Variants in PRPF8 observed in about 807,000 individuals in gnomAD.
The protein encoded by PRPF8 is pre-mRNA processing factor 8, also known as pre-mRNA-processing-splicing factor 8.
A neutral mutation model predicts 285.9 loss-of-function variants in PRPF8; 64 were observed. That is an observed-to-expected ratio of 0.22 (90% CI 0.18 to 0.28). The LOEUF is 0.28. PRPF8 is among the 10% of genes least tolerant of loss of function. PRPF8 has a pLI of 1.00. For synonymous variants in PRPF8, 1,325 were observed against 1,118.2 expected (o/e 1.18, Z -3.69); for missense variants, 1,426 against 3,026.7 (o/e 0.47, Z 12.41).
chr17:1,681,344 G>T, intron 6 of PRPF8, 134 bp downstream of exon 6: 1 of 1,115,208 alleles, frequency 9.0e-7, no homozygotes. Flanking sequence ...GCTTCCCAAA[G>T]TGCTGAGATT....
At position 1,655,787 on chromosome 17, in the gene PRPF8, C is replaced by T. The variant is rs554317634; in HGVS notation, c.5794-244G>A. On this transcript the variant is annotated intron_variant, in intron 36 of 42. Transcript: ENST00000304992. The stretch of plus-strand genomic sequence containing the variant: ...GATGACAGGCACCTGCCACCACGCC[C>T]GGCTAATTTTTTGTATTTTTAGTAG... Among the ~76,000 whole-genome samples, 143 of 151,894 alleles carry T rather than the reference C, an allele frequency of 9.4e-4. 1 individual carries two copies. The highest frequency in any genetic ancestry group is 1.8e-3 in the Non-Finnish European group (120 of 68,004).
intron 1 of PRPF8, 46 bp from the exon 2 acceptor site, chr17:1,684,628 C>T (rs1230115158): frequency 2.5e-6 from 4 of 1,579,368 alleles, no homozygotes; most frequent in African/African-American, 1.3e-5. Context: ...CAGGCCCGGG[C>T]CCACAAGAAG....
intron 8 of PRPF8, chr17:1,680,509 G>A (rs1824713238): frequency 8.1e-6 from 5 of 618,542 alleles, no homozygotes; most frequent in Admixed American, 8.0e-5. Context: ...CCCAAGAAAA[G>A]AACCGTAAAG....
At position 1,660,995 on chromosome 17, in the gene PRPF8, G is replaced by A; in HGVS notation, c.4506C>T (p.Phe1502=). 1 of 1,613,908 alleles carries A rather than the reference G, an allele frequency of 6.2e-7. No individual in the cohort carries two copies. Among genetic ancestry groups the A allele is most frequent in the Non-Finnish European group, 8.5e-7 (1 of 1,180,030 alleles). ...CTCTAAGAGAGGAGAATCCTCACCA[G>A]AAAAGCCCCTCCCAGGTAGGGAAGT... ...GTYFPTWEGL[F]WEKASGFEES... is the part of the protein sequence containing the mutation. The change falls in exon 28 of 43, where the codon TTC becomes TTT. Residue 1502 remains phenylalanine (F), a splice_region_variant and synonymous_variant. Coordinates refer to ENST00000304992, the MANE Select transcript of PRPF8 (RefSeq NM_006445.4).
intron 2 of PRPF8, 95 bp downstream of exon 2, chr17:1,684,377 A>T: frequency 1.6e-6 from 2 of 1,232,700 alleles, no homozygotes; most frequent in Non-Finnish European, 2.4e-6. Context: ...CTGACACCTC[A>T]GGAGCTGCCC....
At chr17:1,677,534 G>A (rs1191488471) in intron 14 of PRPF8, 31 bp downstream of exon 14, 3 of 1,613,618 alleles carry the variant, frequency 1.9e-6, no homozygotes, top group Non-Finnish European at 2.5e-6. Flanking sequence ...AGCAATAACA[G>A]GAGAAGTTGG....
Position 1,681,802 on chromosome 17 carries a change from T to C in PRPF8, c.653+18A>G. ...TCCAGAACTCCTCCCAGGTGTAGTATCTCCATCTATCACTCACTTCCTGCT... is the reference window on the plus strand; with the variant it reads ...TCCAGAACTCCTCCCAGGTGTAGTACCTCCATCTATCACTCACTTCCTGCT... On this transcript the variant is annotated intron_variant, in intron 5 of 42. Coordinates refer to ENST00000304992, the MANE Select transcript of PRPF8 (RefSeq NM_006445.4). 6.2e-7 allele frequency: 1 copy of C among 1,613,470 alleles called. No homozygotes were observed.
intron 24 of PRPF8, among the ~76,000 whole-genome samples, chr17:1,668,657 C>T (rs756228007): frequency 1.3e-5 from 2 of 151,850 alleles, no homozygotes; most frequent in South Asian, 2.1e-4. Context: ...CCACCGCGGC[C>T]GGCTGGGTCC....
In PRPF8 at chr17:1,659,245, C is replaced by CA. The variant is rs1911559760; in HGVS notation, c.5138+111dup. 2.3e-6 allele frequency: 3 copies of CA among 1,280,334 alleles called. No individual in the cohort carries two copies. The African/African-American group carries it at 4.4e-5, about 19-fold the overall frequency. The allele number at this position is 1,280,334 out of a possible 1,614,324, so 79.3% of individuals were successfully genotyped here. On this transcript the variant is annotated intron_variant, in intron 32 of 42. Coordinates refer to ENST00000304992, the MANE Select transcript of PRPF8 (RefSeq NM_006445.4). The surrounding 1 kb of genome is among the most constrained non-coding windows in gnomAD (Gnocchi z 5.1). ...TTCACCATGTTGCCCAGACTGGTCT[C>CA]AAACTCCTGAGCTCAGACAATCTGC...
chr17:1,665,068 G>A (rs1029712113), intron 24 of PRPF8, among the ~76,000 whole-genome samples: 5 of 149,192 alleles, frequency 3.4e-5, no homozygotes, highest in African/African-American at 5.1e-5. Flanking sequence ...GCTGAGGCAG[G>A]AGAATCGCTT....
intron 1 of PRPF8, 77 bp from the exon 2 acceptor site, chr17:1,684,659 G>T: frequency 1.4e-6 from 2 of 1,385,702 alleles, no homozygotes; most frequent in Admixed American, 3.9e-5. Flanking sequence ...AGGCGTCCGG[G>T]GACCCCGGCC....
At chr17:1,655,310 A>T (rs1165347723) in intron 37 of PRPF8, 40 bp downstream of exon 37, 2 of 1,609,982 alleles carry the variant, frequency 1.2e-6, no homozygotes, top group South Asian at 2.2e-5. Flanking sequence ...AGAAAACCGT[A>T]TATAGACCTC....
intron 24 of PRPF8, among the ~76,000 whole-genome samples, chr17:1,666,946 G>A (rs970772752): frequency 7.9e-5 from 12 of 152,212 alleles, no homozygotes; most frequent in African/African-American, 2.4e-4. Context: ...AGGCCGAGGC[G>A]GTTGGATCAT....
Position 1,673,279 on chromosome 17 carries a change from C to A in PRPF8, c.3657+78G>T. 6.2e-7 allele frequency: 1 copy of A among 1,602,974 alleles called. No homozygotes were observed. Among genetic ancestry groups the A allele is most frequent in the East Asian group, 2.2e-5 (1 of 44,820 alleles). On this transcript the variant is annotated intron_variant, in intron 23 of 42. Transcript: ENST00000304992. This position sits in a 1 kb window ranked among gnomAD's most constrained non-coding sequence, Gnocchi z 5.5. ...AACTGTGCCCACCACTCAAGTCTTT[C>A]CACCCAACAAGACTCCGGTGACTGA...
In PRPF8 at chr17:1,684,829, C is replaced by G; in HGVS notation, c.-61G>C. The G allele has an allele frequency of 1.7e-6, 1 of 597,134 alleles. No homozygotes were observed. The highest frequency in any genetic ancestry group is 3.0e-6 in the Non-Finnish European group (1 of 334,472). The allele number at this position is 597,134 out of a possible 1,614,324, so 37.0% of individuals were successfully genotyped here. On this transcript the variant is annotated 5_prime_UTR_variant, in exon 1 of 43. Transcript: ENST00000304992. Reference sequence around the variant, plus strand: ...CGCTTTCCCCGCAGCGCAATGGCGGCCAGACTGCGTCCGCTCCGCGTTCCC... The same window carrying G: ...CGCTTTCCCCGCAGCGCAATGGCGGGCAGACTGCGTCCGCTCCGCGTTCCC...
chr17:1,680,519 G>T (rs766334754), intron 8 of PRPF8: 16 of 637,930 alleles, frequency 2.5e-5, no homozygotes, highest in Non-Finnish European at 3.9e-5. Flanking sequence ...GAACCGTAAA[G>T]TCCAAAAGGA....
intron 13 of PRPF8, 147 bp from the exon 14 acceptor site, chr17:1,677,841 T>C: frequency 9.9e-7 from 1 of 1,006,790 alleles, no homozygotes; most frequent in Non-Finnish European, 1.5e-6. Flanking sequence ...AAAAAAAAAC[T>C]CTGGGACCTC....
intron 24 of PRPF8, among the ~76,000 whole-genome samples, chr17:1,672,452 G>C (rs565888137): frequency 2.0e-5 from 3 of 152,130 alleles, no homozygotes; most frequent in Non-Finnish European, 2.9e-5. Flanking sequence ...GTTAATTTTT[G>C]TATTTTTAGC....
intron 24 of PRPF8, among the ~76,000 whole-genome samples, chr17:1,670,854 A>C (rs757717359): frequency 7.9e-5 from 12 of 151,998 alleles, no homozygotes; most frequent in Admixed American, 7.9e-4. Flanking sequence ...CTATCCTTTC[A>C]GGTCCATCTT....
Sources: gnomAD v4.1 joint callset for allele counts (sites outside exome capture counted in the v4.1 genomes callset) on GRCh38, gnomAD v4.1.1 for gene constraint, Gnocchi (gnomAD v3.1) non-coding constraint, MANE v1.5 for transcripts, NCBI Gene and HGNC (gene_info 2026-07-23, HGNC 2026-07-21) for gene names.